CAPZA2: variants seen among roughly 807,000 people sequenced by gnomAD.
CAPZA2 encodes F-actin-capping protein subunit alpha-2.
A neutral mutation model predicts 44.0 loss-of-function variants in CAPZA2; 13 were observed. The observed-to-expected ratio is 0.30, with a 90% CI of 0.19 to 0.47. The LOEUF (loss-of-function observed/expected upper bound fraction) is 0.47, where lower values mean the gene tolerates loss of function less well. CAPZA2 is among the 20% of genes least tolerant of loss of function. CAPZA2 has a pLI of 1.00. For missense variants in CAPZA2, 244 were observed against 338.6 expected (o/e 0.72, Z 2.19); for synonymous variants, 94 against 108.2 (o/e 0.87, Z 0.81).
chr7:116,871,102 T>TA (rs1302940837), intron 1 of CAPZA2, among the ~76,000 whole-genome samples: 5 of 152,190 alleles, frequency 3.3e-5, no homozygotes. Context: ...CGAGATGGGA[T>TA]AAGCCCTTTA....
At chr7:116,869,898 G>T (rs963842641) in intron 1 of CAPZA2, among the ~76,000 whole-genome samples, 27 of 152,176 alleles carry the variant, frequency 1.8e-4, no homozygotes, top group Non-Finnish European at 1.8e-4. Flanking sequence ...GAGACGGAGT[G>T]TTACTCTGTC....
chr7:116,910,462 A>G (rs947008471), intron 7 of CAPZA2, 151 bp downstream of exon 7: 5 of 584,124 alleles, frequency 8.6e-6, no homozygotes, highest in African/African-American at 7.5e-5. Flanking sequence ...GCTGTTTTAA[A>G]TCTTTTAAAT....
intron 1 of CAPZA2, among the ~76,000 whole-genome samples, chr7:116,863,030 G>C (rs1562954804): frequency 6.6e-6 from 1 of 152,106 alleles, no homozygotes; most frequent in Non-Finnish European, 1.5e-5. Flanking sequence ...ACGCAAAGGG[G>C]TTTGCGTCCG....
At chr7:116,892,864 T>G in intron 2 of CAPZA2, 130 bp from the exon 3 acceptor site, 2 of 449,292 alleles carry the variant, frequency 4.5e-6, no homozygotes, top group Non-Finnish European at 7.9e-6. Context: ...GTTATTTTGG[T>G]CATGAGTGAT....
intron 1 of CAPZA2, among the ~76,000 whole-genome samples, chr7:116,881,726 G>T (rs1796705815): frequency 1.6e-5 from 2 of 124,418 alleles, no homozygotes; most frequent in Non-Finnish European, 3.2e-5. Flanking sequence ...GCAGCAGAGT[G>T]AGACTCTGTC....
intron 1 of CAPZA2, among the ~76,000 whole-genome samples, chr7:116,887,328 A>G (rs185829446): frequency 7.9e-5 from 12 of 152,074 alleles, no homozygotes; most frequent in Non-Finnish European, 1.2e-4. Context: ...GGAGTTCAAG[A>G]CCAGCCTGGA....
chr7:116,912,355 A>T lies in CAPZA2; in HGVS notation c.657+215A>T, dbSNP rs1027472183. Among the ~76,000 whole-genome samples the T allele has an allele frequency of 9.9e-5, 15 of 152,088 alleles. 1 individual carries two copies. The South Asian group carries it at 3.1e-3, about 32-fold the overall frequency. ...TCATTCATTTAAAATATAAGCTTCA[A>T]ATTTTTCTCTTTTTTTTTTGTATAT... On this transcript the variant is annotated intron_variant, in intron 8 of 9. Coordinates refer to ENST00000361183, the MANE Select transcript of CAPZA2 (RefSeq NM_006136.3).
chr7:116,894,360 C>CAA (rs10706961), intron 3 of CAPZA2, among the ~76,000 whole-genome samples: 6 of 114,514 alleles, frequency 5.2e-5, no homozygotes, highest in Non-Finnish European at 7.4e-5. Context: ...GACTCCGTCT[C>CAA]AAAAAAAAAA....
chr7:116,915,973 T>C, intron 8 of CAPZA2, 87 bp from the exon 9 acceptor site: 1 of 888,630 alleles, frequency 1.1e-6, no homozygotes, highest in South Asian at 1.9e-5. Context: ...TTATTTATTA[T>C]AACATTACAT....
intron 8 of CAPZA2, among the ~76,000 whole-genome samples, chr7:116,912,813 T>C (rs1260549363): frequency 6.6e-6 from 1 of 152,224 alleles, no homozygotes; most frequent in South Asian, 2.1e-4. Flanking sequence ...TTATTTTTGG[T>C]ATATACATAG....
At chr7:116,875,455 T>G (rs185048201) in intron 1 of CAPZA2, 6 of 152,332 alleles carry the variant, frequency 3.9e-5, no homozygotes, top group Admixed American at 3.9e-4. Context: ...TCATTTTCTT[T>G]CACTCCACTA....
intron 4 of CAPZA2, among the ~76,000 whole-genome samples, chr7:116,901,011 A>G (rs1585011462): frequency 6.6e-6 from 1 of 152,118 alleles, no homozygotes; most frequent in South Asian, 2.1e-4. Flanking sequence ...TCAAAAAATA[A>G]CAGATGCTGG....
intron 1 of CAPZA2, among the ~76,000 whole-genome samples, chr7:116,871,856 G>C (rs1796557583): frequency 6.6e-6 from 1 of 152,188 alleles, no homozygotes; most frequent in African/African-American, 2.4e-5. Flanking sequence ...AATTCCAGTA[G>C]AGCGCCTAGC....
intron 1 of CAPZA2, among the ~76,000 whole-genome samples, chr7:116,871,014 A>G (rs1169981871): frequency 6.6e-6 from 1 of 152,182 alleles, no homozygotes; most frequent in Admixed American, 6.5e-5. Context: ...AGATACGGAG[A>G]TAGAGAAACA....
intron 1 of CAPZA2, among the ~76,000 whole-genome samples, chr7:116,878,780 A>G (rs1344461150): frequency 6.6e-6 from 1 of 152,168 alleles, no homozygotes; most frequent in Admixed American, 6.5e-5. Context: ...ACAGTGTAGG[A>G]CACAAAGAAA....
intron 1 of CAPZA2, among the ~76,000 whole-genome samples, chr7:116,872,754 T>A (rs1426531242): frequency 1.3e-5 from 2 of 152,246 alleles, no homozygotes; most frequent in African/African-American, 4.8e-5. Flanking sequence ...GTGGCTCCTT[T>A]AATTTTACTA....
chr7:116,922,049 A>G lies in CAPZA2; in HGVS notation c.*4182A>G, dbSNP rs994404480. The G allele has an allele frequency of 2.0e-5, 3 of 152,210 alleles. No homozygotes were observed. Among genetic ancestry groups the G allele is most frequent in the African/African-American group, 7.2e-5 (3 of 41,452 alleles). The allele number at this position is 152,210 out of a possible 1,614,324, so 9.4% of individuals were successfully genotyped here. On this transcript the variant is annotated 3_prime_UTR_variant, in exon 10 of 10. Coordinates refer to ENST00000361183, the MANE Select transcript of CAPZA2 (RefSeq NM_006136.3). Reference sequence around the variant, plus strand: ...AGCATTAAAAAAAAGATGTCCTGGAAGTTCTCGTTCATTGCAAATGTTCTT... The same window carrying G: ...AGCATTAAAAAAAAGATGTCCTGGAGGTTCTCGTTCATTGCAAATGTTCTT...
chr7:116,907,554 G>A (rs1438843198), intron 6 of CAPZA2, among the ~76,000 whole-genome samples: 1 of 152,104 alleles, frequency 6.6e-6, no homozygotes, highest in African/African-American at 2.4e-5. Flanking sequence ...ATAATACATT[G>A]GAGCTGTTAC....
intron 1 of CAPZA2, chr7:116,873,490 G>A (rs1342259782): frequency 6.6e-6 from 1 of 152,324 alleles, no homozygotes; most frequent in Admixed American, 6.6e-5. Context: ...TTCCTGTTAA[G>A]GAATTGTTTT....
Sources: allele counts gnomAD v4.1 joint callset (sites outside exome capture counted in the v4.1 genomes callset), GRCh38; gene constraint gnomAD v4.1.1; transcripts MANE v1.5; gene names NCBI Gene and HGNC (gene_info 2026-07-23, HGNC 2026-07-21).